The following DNAH3 variants were observed in gnomAD, a reference collection of about 807,000 sequenced individuals.
DNAH3 encodes the protein axonemal beta dynein heavy chain 3.
Under a neutral mutation model 432.5 loss-of-function variants are expected in DNAH3, and 332 were observed. The observed-to-expected ratio is 0.77, with a 90% CI of 0.70 to 0.84. DNAH3 has a LOEUF of 0.84. Ranked by LOEUF, DNAH3 falls within the 40% of genes least tolerant of loss-of-function variation. The pLI, the probability that DNAH3 is intolerant of heterozygous loss-of-function variation, is 0.00. For missense variants in DNAH3, 4,861 were observed against 5,114.0 expected (o/e 0.95, Z 1.51); for synonymous variants, 1,956 against 1,900.2 (o/e 1.03, Z -0.76).
At chr16:21,113,105 T>C (rs113820510) in intron 12 of DNAH3, among the ~76,000 whole-genome samples, 2,764 of 152,078 alleles carry the variant, frequency 0.018, 87 homozygotes, top group African/African-American at 0.062. Context: ...GAAGGCATGG[T>C]TTGATTTGAA....
intron 41 of DNAH3, among the ~76,000 whole-genome samples, chr16:21,011,075 T>C (rs2087579313): frequency 6.6e-6 from 1 of 151,910 alleles, no homozygotes; most frequent in Non-Finnish European, 1.5e-5. Context: ...CAGGAGATAT[T>C]ATAAGGGAAA....
chr16:20,949,392 G>A (rs1025401596), intron 56 of DNAH3, among the ~76,000 whole-genome samples: 5 of 151,582 alleles, frequency 3.3e-5, no homozygotes, highest in African/African-American at 4.8e-5. Flanking sequence ...TTTAAAGAGC[G>A]AGGGAGAGAC....
chr16:20,969,239 T>C (rs905208627), intron 52 of DNAH3, among the ~76,000 whole-genome samples: 2 of 151,906 alleles, frequency 1.3e-5, no homozygotes, highest in Non-Finnish European at 2.9e-5. Flanking sequence ...CATGGCTCTG[T>C]GTGTGCATGT....
chr16:21,126,671 C>T (rs1279251847), intron 8 of DNAH3, among the ~76,000 whole-genome samples: 1 of 152,176 alleles, frequency 6.6e-6, no homozygotes, highest in Non-Finnish European at 1.5e-5. Flanking sequence ...TTGTAGGAAC[C>T]AGGCTGCACA....
At chr16:21,128,286 A>G (rs2092481753) in intron 7 of DNAH3, among the ~76,000 whole-genome samples, 1 of 152,112 alleles carries the variant, frequency 6.6e-6, no homozygotes, top group African/African-American at 2.4e-5. Flanking sequence ...TAAAACAAAG[A>G]GTTTATGGAT....
intron 33 of DNAH3, 47 bp downstream of exon 33, chr16:21,039,805 G>A (rs570989492): frequency 6.6e-6 from 9 of 1,370,702 alleles, no homozygotes; most frequent in South Asian, 1.2e-5. Flanking sequence ...GCAAAAAGCC[G>A]CTATTTAAAG....
At chr16:21,041,367 T>A (rs1446577626) in intron 32 of DNAH3, among the ~76,000 whole-genome samples, 1 of 151,760 alleles carries the variant, frequency 6.6e-6, no homozygotes, top group African/African-American at 2.4e-5. Context: ...TGAGACTCCA[T>A]CTCAAAAAAA....
intron 57 of DNAH3, among the ~76,000 whole-genome samples, 184 bp from the exon 58 acceptor site, chr16:20,944,847 G>A (rs968200452): frequency 6.6e-6 from 1 of 151,868 alleles, no homozygotes; most frequent in Non-Finnish European, 1.5e-5. Context: ...AGTTTTCTGG[G>A]GAGTGGGCAT....
At chr16:21,122,714 A>C (rs2092369602) in intron 9 of DNAH3, among the ~76,000 whole-genome samples, 1 of 152,126 alleles carries the variant, frequency 6.6e-6, no homozygotes, top group African/African-American at 2.4e-5. Context: ...AATTCAGCTA[A>C]AACATTTCTT....
intron 36 of DNAH3, 100 bp from the exon 37 acceptor site, chr16:21,031,386 T>C: frequency 1.4e-6 from 2 of 1,437,980 alleles, no homozygotes; most frequent in South Asian, 2.6e-5. Context: ...CTTTTATAAA[T>C]ATGCCATATG....
chr16:20,945,609 G>A (rs35917416), intron 57 of DNAH3, among the ~76,000 whole-genome samples: 1 of 151,880 alleles, frequency 6.6e-6, no homozygotes, highest in African/African-American at 2.4e-5. Context: ...TACTGCCTCA[G>A]CCTCCCTAGT....
At chr16:21,142,021 C>A (rs939716550) in intron 3 of DNAH3, among the ~76,000 whole-genome samples, 10 of 151,592 alleles carry the variant, frequency 6.6e-5, no homozygotes, top group Non-Finnish European at 1.5e-4. Flanking sequence ...CCACTGCACT[C>A]CATACTGGGC....
intron 6 of DNAH3, among the ~76,000 whole-genome samples, chr16:21,134,763 C>T (rs1430196446): frequency 6.6e-6 from 1 of 151,852 alleles, no homozygotes; most frequent in Non-Finnish European, 1.5e-5. Context: ...TCACTGCAAC[C>T]TCCACCTCCG....
chr16:21,060,680 A>G (rs2090324020), intron 25 of DNAH3, among the ~76,000 whole-genome samples: 1 of 148,332 alleles, frequency 6.7e-6, no homozygotes, highest in East Asian at 2.0e-4. Flanking sequence ...GTGCACCACC[A>G]CCGCGGCTGA....
At chr16:21,025,389 TTA>T (rs1322209854) in intron 38 of DNAH3, among the ~76,000 whole-genome samples, 1 of 147,676 alleles carries the variant, frequency 6.8e-6, no homozygotes, top group African/African-American at 2.5e-5. Flanking sequence ...AGTATATATA[TTA>T]TTATATATTA....
intron 51 of DNAH3, 45 bp from the exon 52 acceptor site, chr16:20,970,035 G>A (rs1322430412): frequency 1.9e-6 from 3 of 1,575,910 alleles, no homozygotes; most frequent in Middle Eastern, 1.8e-4. Context: ...CCAGGGCCTG[G>A]CACAATGGGG....
At chr16:20,964,665 G>A (rs2084972599) in exon 53 of DNAH3, 2 of 1,614,130 alleles carry the variant, frequency 1.2e-6, no homozygotes, top group South Asian at 2.2e-5. Context: ...GTCTGGAATT[G>A]GATACAATGA....
At chr16:20,988,373 G>A (rs536899841) in intron 44 of DNAH3, among the ~76,000 whole-genome samples, 1 of 152,288 alleles carries the variant, frequency 6.6e-6, no homozygotes, top group South Asian at 2.1e-4. Context: ...GTTCTACTGA[G>A]TGCTAGTTTA....
intron 32 of DNAH3, among the ~76,000 whole-genome samples, chr16:21,040,170 T>C (rs1414053179): frequency 1.3e-5 from 2 of 151,938 alleles, no homozygotes; most frequent in African/African-American, 2.4e-5. Context: ...ATGTTGTTAC[T>C]TACATTGGGT....
Sources: gnomAD v4.1 joint callset for allele counts (sites outside exome capture counted in the v4.1 genomes callset) on GRCh38, gnomAD v4.1.1 for gene constraint, MANE v1.5 for transcripts, NCBI Gene and HGNC (gene_info 2026-07-23, HGNC 2026-07-21) for gene names.